Variants in RERE observed in about 807,000 individuals in gnomAD.
The protein encoded by RERE is arginine-glutamic acid dipeptide repeats.
In RERE, 40 loss-of-function variants were observed where a neutral mutation model predicts 146.1. The ratio of observed to expected loss-of-function variants is 0.27; its 90% CI spans 0.21 to 0.36. The LOEUF (loss-of-function observed/expected upper bound fraction) is 0.36, where lower values mean the gene tolerates loss of function less well. Ranked by LOEUF, RERE falls within the 10% of genes least tolerant of loss-of-function variation. The pLI, the probability that RERE is intolerant of heterozygous loss-of-function variation, is 1.00. For missense variants in RERE, 1,933 were observed against 2,138.7 expected (o/e 0.90, Z 1.90); for synonymous variants, 1,003 against 866.0 (o/e 1.16, Z -2.78).
chr1:8,808,147 C>CAAAAAAA (rs778069782), intron 1 of RERE, among the ~76,000 whole-genome samples: 1 of 53,166 alleles, frequency 1.9e-5, no homozygotes, highest in Non-Finnish European at 4.0e-5. Context: ...GACCTTGTCT[C>CAAAAAAA]AAAAAAAAAA....
intron 2 of RERE, among the ~76,000 whole-genome samples, chr1:8,639,881 G>A (rs1160688932): frequency 2.0e-5 from 3 of 152,196 alleles, no homozygotes. Context: ...GCCAGGACAA[G>A]TAAAGTCTAA....
chr1:8,790,359 C>T (rs1641342722), intron 1 of RERE, among the ~76,000 whole-genome samples: 1 of 152,138 alleles, frequency 6.6e-6, no homozygotes, highest in Non-Finnish European at 1.5e-5. Context: ...ACCTTCTATA[C>T]TATGTAGCTA....
chr1:8,651,024 G>A (rs1647601989), intron 2 of RERE, among the ~76,000 whole-genome samples: 1 of 152,066 alleles, frequency 6.6e-6, no homozygotes. Context: ...TTGAACCCAG[G>A]AGGCAGAGGT....
At chr1:8,600,148 T>C (rs1367910642) in intron 4 of RERE, among the ~76,000 whole-genome samples, 2 of 152,188 alleles carry the variant, frequency 1.3e-5, no homozygotes, top group Admixed American at 6.5e-5. Context: ...TCTGCCACCA[T>C]TTAAGATGTG....
chr1:8,758,387 CTTTTT>C lies in RERE; in HGVS notation c.-145+58768_-145+58772del, dbSNP rs34187776. ...TGAGCCACCGTGCCTGGCCCTCAAT[CTTTTT>C]TTTTTTTTTTTTTTAAAGAAACGGG... is the stretch of plus-strand genomic sequence containing the variant. On this transcript the variant is annotated intron_variant, in intron 1 of 22. Transcript: ENST00000400908. Among the ~76,000 whole-genome samples, 340 of 132,066 alleles carry C rather than the reference CTTTTT, an allele frequency of 2.6e-3. 2 individuals carry two copies. The highest frequency in any genetic ancestry group is 0.022 in the South Asian group (89 of 3,960). 86.6% of individuals were successfully genotyped at this position (132,066 alleles called of 152,430 possible).
Position 8,743,548 on chromosome 1 carries a change from A to G in RERE, c.-145+73612T>C, listed in dbSNP as rs1180832499. On this transcript the variant is annotated intron_variant, in intron 1 of 22. Coordinates refer to ENST00000400908, the MANE Select transcript of RERE (RefSeq NM_001042681.2). ...AGTGCTGGGATTACAGGCGTGAACC[A>G]CCGCACCCAGCCACACTTGGCCATT... Among the ~76,000 whole-genome samples, 3 of 151,160 alleles carry G rather than the reference A, an allele frequency of 2.0e-5. No individual in the cohort carries two copies. In the East Asian group the frequency reaches 5.9e-4, roughly 30 times the overall value.
chr1:8,472,692 G>T (rs1644703848), intron 10 of RERE, among the ~76,000 whole-genome samples: 2 of 152,120 alleles, frequency 1.3e-5, no homozygotes, highest in Non-Finnish European at 2.9e-5. Context: ...AAAAAGCAGG[G>T]ACCAAGATAA....
chr1:8,667,773 A>G (rs1306487055), intron 1 of RERE, among the ~76,000 whole-genome samples: 1 of 152,262 alleles, frequency 6.6e-6, no homozygotes, highest in East Asian at 1.9e-4. Flanking sequence ...CCAATTATAT[A>G]CAGTTAGCTT....
chr1:8,539,475 G>A (rs1465319876), intron 7 of RERE, among the ~76,000 whole-genome samples: 2 of 151,672 alleles, frequency 1.3e-5, no homozygotes, highest in South Asian at 2.1e-4. Flanking sequence ...GGGCAATCTC[G>A]GCTTACTGCA....
At chr1:8,581,813 G>A (rs1646369023) in intron 4 of RERE, among the ~76,000 whole-genome samples, 1 of 152,048 alleles carries the variant, frequency 6.6e-6, no homozygotes, top group South Asian at 2.1e-4. Flanking sequence ...ACTTTGTATA[G>A]TATTACCAAT....
At chr1:8,698,220 G>A (rs573123547) in intron 1 of RERE, among the ~76,000 whole-genome samples, 2 of 152,162 alleles carry the variant, frequency 1.3e-5, no homozygotes, top group African/African-American at 4.8e-5. Context: ...TTGGTTATCT[G>A]CTTCTGTATG....
At chr1:8,466,137 A>G (rs1644593629) in intron 10 of RERE, 114 bp from the exon 11 acceptor site, 2 of 809,106 alleles carry the variant, frequency 2.5e-6, no homozygotes, top group Admixed American at 5.7e-5. Context: ...GGAAAGGGGC[A>G]CTGAGACTCC....
chr1:8,590,026 C>A (rs1253131604), intron 4 of RERE, among the ~76,000 whole-genome samples: 3 of 152,158 alleles, frequency 2.0e-5, no homozygotes, highest in African/African-American at 7.2e-5. Flanking sequence ...TTTAGTGCTT[C>A]TTTCTTTGGA....
At chr1:8,678,385 C>A (rs1437769439) in intron 1 of RERE, among the ~76,000 whole-genome samples, 1 of 151,948 alleles carries the variant, frequency 6.6e-6, no homozygotes, top group Non-Finnish European at 1.5e-5. Context: ...GTAGCTCACG[C>A]CTATAATCCT....
intron 1 of RERE, among the ~76,000 whole-genome samples, chr1:8,700,891 A>C (rs1403535803): frequency 6.6e-6 from 1 of 152,204 alleles, no homozygotes; most frequent in Non-Finnish European, 1.5e-5. Context: ...CCTACTAATA[A>C]GTTACATGGT....
At chr1:8,544,392 A>C (rs1178789242) in intron 6 of RERE, among the ~76,000 whole-genome samples, 1 of 152,196 alleles carries the variant, frequency 6.6e-6, no homozygotes, top group East Asian at 1.9e-4. Context: ...GGAACAACCC[A>C]AATGTGCAGC....
At chr1:8,410,701 C>T (rs1643592214) in intron 12 of RERE, among the ~76,000 whole-genome samples, 1 of 152,138 alleles carries the variant, frequency 6.6e-6, no homozygotes, top group Admixed American at 6.5e-5. Flanking sequence ...TTGAAAACAC[C>T]CATCCTTCAA....
intron 1 of RERE, among the ~76,000 whole-genome samples, chr1:8,740,729 G>A (rs1640290587): frequency 6.6e-6 from 1 of 152,172 alleles, no homozygotes; most frequent in South Asian, 2.1e-4. Flanking sequence ...CATACACAGG[G>A]TGAGGATCAT....
At chr1:8,508,287 A>G (rs1466548100) in intron 8 of RERE, among the ~76,000 whole-genome samples, 1 of 152,192 alleles carries the variant, frequency 6.6e-6, no homozygotes, top group Non-Finnish European at 1.5e-5. Context: ...AAACAGAGAG[A>G]GGAAGGAGAA....
Sources: gnomAD v4.1 joint callset for allele counts (sites outside exome capture counted in the v4.1 genomes callset) on GRCh38, gnomAD v4.1.1 for gene constraint, MANE v1.5 for transcripts, NCBI Gene and HGNC (gene_info 2026-07-23, HGNC 2026-07-21) for gene names.